Variants in ZFAND3 observed in about 807,000 individuals in gnomAD.
The protein encoded by ZFAND3 is AN1-type zinc finger protein 3.
A neutral mutation model predicts 29.6 loss-of-function variants in ZFAND3; 10 were observed. The observed-to-expected ratio is 0.34, with a 90% confidence interval of 0.21 to 0.57. ZFAND3 has a LOEUF of 0.57. Among genes scored for constraint, ZFAND3 ranks in the 20% least tolerant of loss-of-function variants. The pLI, the probability that ZFAND3 is intolerant of heterozygous loss-of-function variation, is 0.86. For synonymous variants in ZFAND3, 128 were observed against 112.6 expected (o/e 1.14, Z -0.87); for missense variants, 230 against 304.5 (o/e 0.76, Z 1.82).
chr6:37,994,493 C>G (rs1041024601), intron 2 of ZFAND3, among the ~76,000 whole-genome samples: 4 of 152,156 alleles, frequency 2.6e-5, no homozygotes, highest in Non-Finnish European at 5.9e-5. Flanking sequence ...CAACACCCCC[C>G]TCATAGTAGA....
At chr6:38,045,281 G>GT in intron 2 of ZFAND3, among the ~76,000 whole-genome samples, 1 of 151,746 alleles carries the variant, frequency 6.6e-6, no homozygotes, top group South Asian at 2.1e-4. Context: ...AGAGATGGAG[G>GT]TTTTGCCATA....
At chr6:37,839,734 C>T (rs1253370765) in intron 1 of ZFAND3, among the ~76,000 whole-genome samples, 2 of 151,086 alleles carry the variant, frequency 1.3e-5, no homozygotes, top group Admixed American at 6.6e-5. Flanking sequence ...AGGATGACCT[C>T]GATCTCTTGA....
chr6:38,053,542 C>T lies in ZFAND3; in HGVS notation c.113-8051C>T, dbSNP rs546482268. The stretch of plus-strand genomic sequence containing the variant: ...CTACTAAAAATACAAAAATTAGCCA[C>T]ACGTGGTGTTGCACACTGGTAGTTG... On this transcript the variant is annotated intron_variant, in intron 2 of 5. Transcript: ENST00000287218. Among the ~76,000 whole-genome samples, 125 of 152,108 alleles carry T rather than the reference C, an allele frequency of 8.2e-4. 1 individual carries two copies. The highest frequency in any genetic ancestry group is 3.0e-3 in the African/African-American group (124 of 41,482).
intron 2 of ZFAND3, among the ~76,000 whole-genome samples, chr6:38,032,063 GCTCA>G (rs1763572432): frequency 6.6e-6 from 1 of 151,952 alleles, no homozygotes; most frequent in Non-Finnish European, 1.5e-5. Flanking sequence ...TAACTCCTGT[GCTCA>G]AGTGATCCTC....
intron 2 of ZFAND3, among the ~76,000 whole-genome samples, chr6:38,013,453 C>A (rs769956128): frequency 1.3e-5 from 2 of 152,196 alleles, no homozygotes; most frequent in Non-Finnish European, 2.9e-5. Flanking sequence ...ATACTGCCGT[C>A]TGTTGTAGTT....
intron 2 of ZFAND3, among the ~76,000 whole-genome samples, chr6:38,019,140 A>G (rs1176206397): frequency 6.6e-6 from 1 of 152,150 alleles, no homozygotes; most frequent in Non-Finnish European, 1.5e-5. Flanking sequence ...TTGTATTTTT[A>G]GTAGATACAG....
intron 1 of ZFAND3, among the ~76,000 whole-genome samples, chr6:37,835,750 T>C (rs1763955995): frequency 6.6e-6 from 1 of 152,126 alleles, no homozygotes; most frequent in Admixed American, 6.5e-5. Context: ...TGTTCTTTTT[T>C]TTAACACAAA....
chr6:37,898,016 AT>A (rs751666677), intron 1 of ZFAND3, among the ~76,000 whole-genome samples: 17 of 152,160 alleles, frequency 1.1e-4, no homozygotes, highest in Non-Finnish European at 1.6e-4. Context: ...CCTTAGTGTT[AT>A]CTTTTGATGA....
chr6:38,070,939 G>A (rs373216493), intron 3 of ZFAND3, among the ~76,000 whole-genome samples: 1 of 151,904 alleles, frequency 6.6e-6, no homozygotes, highest in Non-Finnish European at 1.5e-5. Flanking sequence ...CTGATAGTGA[G>A]ATTCAGCATT....
chr6:37,980,988 T>C (rs1024840451), intron 2 of ZFAND3, among the ~76,000 whole-genome samples: 3 of 152,208 alleles, frequency 2.0e-5, no homozygotes, highest in African/African-American at 7.2e-5. Context: ...CTATTTGTTC[T>C]TGTGCACAAA....
At chr6:37,996,051 C>T (rs939423161) in intron 2 of ZFAND3, among the ~76,000 whole-genome samples, 1 of 151,840 alleles carries the variant, frequency 6.6e-6, no homozygotes, top group Admixed American at 6.6e-5. Flanking sequence ...ATCGCTTGAA[C>T]CTGGGAGGCG....
At chr6:37,910,599 G>A (rs1038349981) in intron 1 of ZFAND3, among the ~76,000 whole-genome samples, 3 of 151,962 alleles carry the variant, frequency 2.0e-5, no homozygotes, top group Non-Finnish European at 2.9e-5. Flanking sequence ...TTTTTGGGGG[G>A]TGGGAACATT....
intron 2 of ZFAND3, among the ~76,000 whole-genome samples, chr6:38,011,050 C>A (rs577405386): frequency 1.1e-3 from 167 of 151,872 alleles, no homozygotes; most frequent in African/African-American, 3.4e-3. Context: ...GCTCATTTTG[C>A]TTTTTCTAAA....
chr6:37,951,057 T>C, intron 2 of ZFAND3, among the ~76,000 whole-genome samples: 1 of 152,244 alleles, frequency 6.6e-6, no homozygotes, highest in East Asian at 1.9e-4. Context: ...CAGTGTTTTA[T>C]AATTCTTGTT....
At chr6:37,873,321 A>G (rs889279336) in intron 1 of ZFAND3, among the ~76,000 whole-genome samples, 4 of 152,224 alleles carry the variant, frequency 2.6e-5, no homozygotes, top group African/African-American at 9.6e-5. Flanking sequence ...GACACAATTA[A>G]TCATTCTTTC....
intron 5 of ZFAND3, among the ~76,000 whole-genome samples, chr6:38,129,149 A>G (rs188956492): frequency 4.6e-5 from 7 of 152,070 alleles, no homozygotes; most frequent in Admixed American, 1.3e-4. Flanking sequence ...TTTTCTATTC[A>G]TGTTCTTAGC....
chr6:37,926,835 T>C (rs1001986966), intron 1 of ZFAND3, among the ~76,000 whole-genome samples: 2 of 152,170 alleles, frequency 1.3e-5, no homozygotes, highest in Non-Finnish European at 2.9e-5. Flanking sequence ...TTTTGTTAGG[T>C]AGCGAGTAGT....
rs201703751 is a variant in ZFAND3 at position 37,970,917 on chromosome 6, CCAAA to C, written c.112+40939_112+40942del. 5.1e-3 allele frequency among the ~76,000 whole-genome samples: 661 copies of C among 128,798 alleles called. 3 individuals are homozygous for C. Among genetic ancestry groups the C allele is most frequent in the Middle Eastern group, 0.016 (4 of 254 alleles). 84.5% of individuals were successfully genotyped at this position (128,798 alleles called of 152,430 possible). On this transcript the variant is annotated intron_variant, in intron 2 of 5. Transcript: ENST00000287218. ...GAGACTCCGTCTCAAAACAAACAAA[CCAAA>C]CAAACAAACAAACAAACAAAACCCA...
At chr6:37,908,814 A>G (rs896598814) in intron 1 of ZFAND3, among the ~76,000 whole-genome samples, 10 of 151,798 alleles carry the variant, frequency 6.6e-5, no homozygotes, top group Non-Finnish European at 1.0e-4. Context: ...TAAAGGAATG[A>G]CTTTCTCTTT....
Sources: allele counts gnomAD v4.1 joint callset (sites outside exome capture counted in the v4.1 genomes callset), GRCh38; gene constraint gnomAD v4.1.1; transcripts MANE v1.5; gene names NCBI Gene and HGNC (gene_info 2026-07-23, HGNC 2026-07-21).